The following PVT1 variants were observed in gnomAD, a reference collection of about 807,000 sequenced individuals.
The protein encoded by PVT1 is Pvt1 oncogene.
At chr8:127,933,929 G>A (rs147390434) in intron 3 of PVT1, among the ~76,000 whole-genome samples, 246 of 152,322 alleles carry the variant, frequency 1.6e-3, no homozygotes, top group African/African-American at 5.7e-3. Context: ...CAAATGAGAT[G>A]GGCATTTGAA....
intron 2 of PVT1, among the ~76,000 whole-genome samples, chr8:127,851,006 CA>C (rs57840226): frequency 3.1e-4 from 36 of 115,406 alleles, no homozygotes; most frequent in African/African-American, 5.9e-4. Flanking sequence ...GACTCTGTCT[CA>C]AAAAAAAAAA....
intron 3 of PVT1, among the ~76,000 whole-genome samples, chr8:127,921,852 A>ATTTTTTTTTTTTTTTTTT (rs1816062657): frequency 1.2e-5 from 1 of 82,014 alleles, no homozygotes; most frequent in African/African-American, 4.0e-5. Context: ...TTTTTGGTTC[A>ATTTTTTTTTTTTTTTTTT]TGTTTTTTTT....
At chr8:127,836,968 T>C (rs964741328) in intron 2 of PVT1, among the ~76,000 whole-genome samples, 4 of 152,072 alleles carry the variant, frequency 2.6e-5, no homozygotes, top group African/African-American at 9.7e-5. Context: ...GCAGTGGACA[T>C]GAGTGGTTCT....
At chr8:127,815,255 C>A (rs1022227615) in intron 2 of PVT1, among the ~76,000 whole-genome samples, 2 of 152,230 alleles carry the variant, frequency 1.3e-5, no homozygotes, top group East Asian at 3.8e-4. Flanking sequence ...GCATGAGCCA[C>A]CGTGCCCCAC....
chr8:127,897,719 A>G (rs536209806), intron 3 of PVT1, among the ~76,000 whole-genome samples: 4 of 151,474 alleles, frequency 2.6e-5, no homozygotes, highest in Non-Finnish European at 4.4e-5. Flanking sequence ...GAGGGGAAGA[A>G]GGAAGAAAGA....
chr8:127,999,991 CTG>C (rs1484932230), intron 4 of PVT1, among the ~76,000 whole-genome samples: 1 of 152,212 alleles, frequency 6.6e-6, no homozygotes, highest in African/African-American at 2.4e-5. Context: ...AACCGGGACT[CTG>C]TGTTATGCTC....
chr8:127,955,784 C>T (rs532436042), intron 3 of PVT1, among the ~76,000 whole-genome samples: 74 of 152,220 alleles, frequency 4.9e-4, no homozygotes, highest in Admixed American at 8.5e-4. Context: ...GGGATTTTTT[C>T]ATGTTGCCCA....
intron 3 of PVT1, among the ~76,000 whole-genome samples, chr8:127,929,454 A>G (rs1816173888): frequency 6.6e-6 from 1 of 152,192 alleles, no homozygotes; most frequent in Non-Finnish European, 1.5e-5. Context: ...CAATTAGGCA[A>G]AAGAAAAATA....
At chr8:127,930,785 C>T (rs1816196880) in intron 3 of PVT1, among the ~76,000 whole-genome samples, 1 of 152,100 alleles carries the variant, frequency 6.6e-6, no homozygotes, top group African/African-American at 2.4e-5. Flanking sequence ...CCCCTTATAG[C>T]ATATTTTCAG....
intron 4 of PVT1, among the ~76,000 whole-genome samples, chr8:128,049,464 T>A (rs561761815): frequency 6.6e-6 from 1 of 151,922 alleles, no homozygotes; most frequent in African/African-American, 2.4e-5. Flanking sequence ...TGTGGCTCTG[T>A]AGGGTGAAGG....
intron 5 of PVT1, among the ~76,000 whole-genome samples, chr8:128,075,260 C>T (rs985176504): frequency 6.6e-6 from 1 of 152,098 alleles, no homozygotes; most frequent in Non-Finnish European, 1.5e-5. Context: ...TCTTCATTCA[C>T]CAGAGCACTT....
chr8:128,043,998 T>C (rs906672835), intron 4 of PVT1, among the ~76,000 whole-genome samples: 7 of 102,644 alleles, frequency 6.8e-5, no homozygotes. Context: ...GGTTAATTTT[T>C]TTATTATTAT....
intron 3 of PVT1, among the ~76,000 whole-genome samples, chr8:127,951,199 CT>C (rs1331016929): frequency 1.3e-5 from 2 of 152,168 alleles, no homozygotes; most frequent in African/African-American, 2.4e-5. Context: ...CCCTGTGCCC[CT>C]GTCTTACTGA....
At chr8:128,085,376 T>C (rs1188137013) in intron 5 of PVT1, among the ~76,000 whole-genome samples, 2 of 152,178 alleles carry the variant, frequency 1.3e-5, no homozygotes, top group African/African-American at 4.8e-5. Flanking sequence ...TCATGCAACA[T>C]GAAACAATTA....
At chr8:127,876,320 T>C (rs1240050914) in intron 2 of PVT1, among the ~76,000 whole-genome samples, 2 of 152,062 alleles carry the variant, frequency 1.3e-5, no homozygotes, top group African/African-American at 4.8e-5. Context: ...ATGAATGCTG[T>C]AATGCCACCC....
At chr8:128,065,244 T>C (rs1409332644) in intron 4 of PVT1, among the ~76,000 whole-genome samples, 1 of 151,970 alleles carries the variant, frequency 6.6e-6, no homozygotes, top group Non-Finnish European at 1.5e-5. Context: ...CAGGCTGGAG[T>C]GCAGTGGTGT....
rs541565539 is a variant in PVT1 at position 127,893,526 on chromosome 8, C to T, written n.782+2528C>T. 1.1e-4 allele frequency among the ~76,000 whole-genome samples: 17 copies of T among 152,310 alleles called. No homozygotes were observed. In the East Asian group the frequency reaches 3.1e-3, roughly 28 times the overall value. On this transcript the variant is annotated intron_variant and non_coding_transcript_variant, in intron 3 of 10. Transcript: ENST00000651587. The stretch of plus-strand genomic sequence containing the variant: ...CCTCCTAAAGAGCTGCGATTACAAG[C>T]GTGACCCACCTTGCCCGGTCTGTTT...
rs891627457 is a variant in PVT1, at chr8:128,074,536, A to AGG, written n.1114+4182_1114+4183dup. On this transcript the variant is annotated intron_variant and non_coding_transcript_variant, in intron 5 of 10. Transcript: ENST00000651587. Reference sequence around the variant, plus strand: ...AGACTGTCTAAAAAAAAAAAAAAAAAGGGGGGGGCTCCTTCCCACTCATTT... The same window carrying AGG: ...AGACTGTCTAAAAAAAAAAAAAAAAAGGGGGGGGGGCTCCTTCCCACTCATTT... Among the ~76,000 whole-genome samples, 309 of 141,880 alleles carry AGG rather than the reference A, an allele frequency of 2.2e-3. 7 individuals are homozygous for AGG. The highest frequency in any genetic ancestry group is 8.7e-3 in the South Asian group (38 of 4,370). The allele number at this position is 141,880 out of a possible 152,430, so 93.1% of individuals were successfully genotyped here.
At chr8:127,991,320 A>AT (rs1467504025) in intron 4 of PVT1, among the ~76,000 whole-genome samples, 1 of 150,502 alleles carries the variant, frequency 6.6e-6, no homozygotes, top group Non-Finnish European at 1.5e-5. Flanking sequence ...TTTTTTTTGT[A>AT]TTTTTATTAG....
Sources: gnomAD v4.1 joint callset for allele counts (sites outside exome capture counted in the v4.1 genomes callset) on GRCh38, gnomAD v4.1.1 for gene constraint, MANE v1.5 for transcripts, NCBI Gene and HGNC (gene_info 2026-07-23, HGNC 2026-07-21) for gene names.